Variants in GPR158 observed in about 807,000 individuals in gnomAD.
The protein encoded by GPR158 is G protein-coupled receptor 158, also known as metabotropic glycine receptor.
In GPR158, 30 loss-of-function variants were observed where a neutral mutation model predicts 78.2. The ratio of observed to expected loss-of-function variants is 0.38; its 90% CI spans 0.29 to 0.52. GPR158 has a LOEUF of 0.52. GPR158 is among the 20% of genes least tolerant of loss of function. The pLI is 0.83. For missense variants in GPR158, 1,463 were observed against 1,523.5 expected (o/e 0.96, Z 0.66); for synonymous variants, 581 against 591.1 (o/e 0.98, Z 0.25).
In GPR158 at chr10:25,240,118, A is replaced by G. The variant is rs181566333; in HGVS notation, c.1008+18961A>G. 1.9e-3 allele frequency among the ~76,000 whole-genome samples: 282 copies of G among 152,338 alleles called. 3 individuals are homozygous for G. The highest frequency in any genetic ancestry group is 4.8e-3 in the South Asian group (23 of 4,826). ...ATCTAGTCATTTCAGTCTTAAAGTCATGATAGGTCATCCTATATTGTAATG... is the reference window on the plus strand; with the variant it reads ...ATCTAGTCATTTCAGTCTTAAAGTCGTGATAGGTCATCCTATATTGTAATG... On this transcript the variant is annotated intron_variant, in intron 2 of 10. Coordinates refer to ENST00000376351, the MANE Select transcript of GPR158 (RefSeq NM_020752.3).
At chr10:25,280,747 G>A (rs549935801) in intron 2 of GPR158, among the ~76,000 whole-genome samples, 44 of 152,122 alleles carry the variant, frequency 2.9e-4, no homozygotes, top group African/African-American at 1.0e-3. Context: ...ATGTACGTAC[G>A]TACATACGTA....
At chr10:25,219,991 C>G (rs1168299709) in intron 1 of GPR158, among the ~76,000 whole-genome samples, 3 of 152,036 alleles carry the variant, frequency 2.0e-5, no homozygotes, top group East Asian at 3.9e-4. Flanking sequence ...TTCTTTGTAG[C>G]TACAGGAGCT....
chr10:25,215,758 T>C (rs75006466), intron 1 of GPR158, among the ~76,000 whole-genome samples: 30,664 of 152,012 alleles, frequency 0.2, 4,731 homozygotes, highest in African/African-American at 0.42. Context: ...TCACTTCAGC[T>C]GGGGAGGTGG....
intron 6 of GPR158, among the ~76,000 whole-genome samples, chr10:25,567,144 T>C (rs1836940712): frequency 6.6e-6 from 1 of 152,138 alleles, no homozygotes; most frequent in South Asian, 2.1e-4. Flanking sequence ...CATTCCTTTT[T>C]TTATAAATAG....
rs992470114 is a variant in GPR158, at chr10:25,594,372, C to A, written c.1973C>A (p.Thr658Asn). 1 of 1,555,868 alleles carries A rather than the reference C, an allele frequency of 6.4e-7. No homozygotes were observed. The highest frequency in any genetic ancestry group is 2.3e-5 in the East Asian group (1 of 44,168). Residue 658 changes from threonine to asparagine, a missense_variant, in exon 9 of 11, where the codon ACC becomes AAC. Physicochemically the swap from Thr to Asn is moderately conservative, Grantham distance 65 (BLOSUM62 0). Transcript: ENST00000376351. The stretch of plus-strand genomic sequence containing the variant: ...CATACTCATTTGACTGTGACAGTCA[C>A]CATTGGGTTGCTTTTGATTCCAAAG... Reference protein sequence around the residue: ...FAHTHLTVTVTIGLLLIPKFS... With the variant: ...FAHTHLTVTVNIGLLLIPKFS...
intron 2 of GPR158, among the ~76,000 whole-genome samples, chr10:25,266,229 T>C (rs773084978): frequency 1.8e-4 from 27 of 152,310 alleles, no homozygotes; most frequent in Non-Finnish European, 4.0e-4. Context: ...AGAGAAGTTA[T>C]CTCTGTCTGA....
At chr10:25,526,379 A>G (rs1349038522) in intron 5 of GPR158, among the ~76,000 whole-genome samples, 2 of 152,136 alleles carry the variant, frequency 1.3e-5, no homozygotes, top group African/African-American at 4.8e-5. Context: ...CACTTAAGCA[A>G]AAAGCTGCAA....
intron 2 of GPR158, among the ~76,000 whole-genome samples, chr10:25,241,289 C>CTTTTCTTTTCT (rs1564399585): frequency 5.2e-4 from 54 of 103,236 alleles, no homozygotes; most frequent in African/African-American, 1.5e-3. Flanking sequence ...TCTTTCTTTT[C>CTTTTCTTTTCT]TTTTCTTTTC....
At chr10:25,362,681 C>T (rs1412719527) in intron 2 of GPR158, among the ~76,000 whole-genome samples, 1 of 151,712 alleles carries the variant, frequency 6.6e-6, no homozygotes, top group Non-Finnish European at 1.5e-5. Flanking sequence ...TAGGTTTATT[C>T]CTAACTATCT....
intron 2 of GPR158, among the ~76,000 whole-genome samples, chr10:25,268,721 G>A (rs573840929): frequency 6.6e-6 from 1 of 152,266 alleles, no homozygotes; most frequent in African/African-American, 2.4e-5. Flanking sequence ...CAGAGATTGG[G>A]ATAGAATATA....
Position 25,601,057 on chromosome 10 carries a change from G to T in GPR158, c.*1783G>T, listed in dbSNP as rs1469440457. The T allele has an allele frequency of 6.6e-6, 1 of 152,346 alleles. No individual in the cohort carries two copies. The highest frequency in any genetic ancestry group is 1.5e-5 in the Non-Finnish European group (1 of 68,026). 9.4% of individuals were successfully genotyped at this position (152,346 alleles called of 1,614,324 possible). Reference sequence around the variant, plus strand: ...TATTTTTTATGTCACAAGCAGCAAGGAGGACATGCTAGGGTGATAAAAGAT... The same window carrying T: ...TATTTTTTATGTCACAAGCAGCAAGTAGGACATGCTAGGGTGATAAAAGAT... On this transcript the variant is annotated 3_prime_UTR_variant, in exon 11 of 11. Coordinates refer to ENST00000376351, the MANE Select transcript of GPR158 (RefSeq NM_020752.3).
chr10:25,355,465 A>C (rs1855536902), intron 2 of GPR158, among the ~76,000 whole-genome samples: 1 of 152,110 alleles, frequency 6.6e-6, no homozygotes, highest in African/African-American at 2.4e-5. Flanking sequence ...TTTCTTTAAA[A>C]GTGCTATTTT....
chr10:25,412,940 C>A (rs1201596462), intron 4 of GPR158, among the ~76,000 whole-genome samples: 3 of 152,132 alleles, frequency 2.0e-5, no homozygotes, highest in Admixed American at 1.3e-4. Context: ...TTTTGTCTTA[C>A]ATTAGTGTCC....
chr10:25,510,912 T>G (rs564763239), intron 5 of GPR158, among the ~76,000 whole-genome samples: 13 of 152,214 alleles, frequency 8.5e-5, no homozygotes, highest in Non-Finnish European at 1.5e-4. Context: ...ATTCACAGTA[T>G]GTATAAACCA....
intron 2 of GPR158, among the ~76,000 whole-genome samples, chr10:25,395,515 C>T (rs1834353108): frequency 6.6e-6 from 1 of 152,100 alleles, no homozygotes. Flanking sequence ...TGCCTATCTA[C>T]CCACCTACCT....
chr10:25,352,016 C>G (rs950922359), intron 2 of GPR158, among the ~76,000 whole-genome samples: 2 of 108,080 alleles, frequency 1.9e-5, no homozygotes, highest in African/African-American at 5.3e-5. Flanking sequence ...TAATGCATAG[C>G]CACTACCCAG....
rs1160099390 is a variant in GPR158, at chr10:25,338,387, CTCTA to C, written c.1009-57522_1009-57519del. On this transcript the variant is annotated intron_variant, in intron 2 of 10. Coordinates refer to ENST00000376351, the MANE Select transcript of GPR158 (RefSeq NM_020752.3). ...CTGATGACTATATCTATATATCTCTCTCTATATATATTATTATATATAACGTATT... is the reference window on the plus strand; with the variant it reads ...CTGATGACTATATCTATATATCTCTCTATATATTATTATATATAACGTATT... 3.8e-3 allele frequency among the ~76,000 whole-genome samples: 522 copies of C among 137,356 alleles called. 5 individuals are homozygous for C. Among genetic ancestry groups the C allele is most frequent in the African/African-American group, 0.015 (498 of 33,208 alleles). 90.1% of individuals were successfully genotyped at this position (137,356 alleles called of 152,430 possible). A position where few individuals can be genotyped will look rare whatever the true frequency, so the allele number is the denominator to read the frequency against.
intron 5 of GPR158, among the ~76,000 whole-genome samples, chr10:25,521,912 T>C (rs1294579353): frequency 6.6e-6 from 1 of 152,140 alleles, no homozygotes; most frequent in Non-Finnish European, 1.5e-5. Flanking sequence ...AATAAGAAGA[T>C]GATAATTTTT....
At chr10:25,314,695 C>T (rs1854820109) in intron 2 of GPR158, among the ~76,000 whole-genome samples, 1 of 147,666 alleles carries the variant, frequency 6.8e-6, no homozygotes, top group Admixed American at 6.7e-5. Context: ...TTATTTTATT[C>T]TTCTGTTTTG....
Sources: allele counts gnomAD v4.1 joint callset (sites outside exome capture counted in the v4.1 genomes callset), GRCh38; gene constraint gnomAD v4.1.1; transcripts MANE v1.5; gene names NCBI Gene and HGNC (gene_info 2026-07-23, HGNC 2026-07-21).